EPHA6: variants seen among roughly 807,000 people sequenced by gnomAD.
EPHA6 encodes ephrin type-A receptor 6.
Under a neutral mutation model 112.0 loss-of-function variants are expected in EPHA6, and 50 were observed. The ratio of observed to expected loss-of-function variants is 0.45; its 90% CI spans 0.36 to 0.56. The LOEUF is 0.56. EPHA6 is among the 20% of genes least tolerant of loss of function. The probability of loss-of-function intolerance (pLI) is 0.00; values close to 1 mark genes in which losing one functional copy is unlikely to be tolerated. For synonymous variants in EPHA6, 529 were observed against 490.7 expected, an observed-to-expected ratio of 1.08 and a Z score of -1.03; for missense variants, 1,280 against 1,417.4, an observed-to-expected ratio of 0.90 and a Z score of 1.56.
chr3:97,247,095 A>T (rs1192928362), intron 5 of EPHA6, among the ~76,000 whole-genome samples: 1 of 152,084 alleles, frequency 6.6e-6, no homozygotes, highest in Non-Finnish European at 1.5e-5. Context: ...ATAATTTCCC[A>T]TCACTCCACT....
At chr3:96,907,475 A>C (rs931871743) in intron 2 of EPHA6, among the ~76,000 whole-genome samples, 1 of 141,030 alleles carries the variant, frequency 7.1e-6, no homozygotes, top group Non-Finnish European at 1.5e-5. Flanking sequence ...ACTAGGAAAA[A>C]AAATTCATTT....
At chr3:97,044,802 A>G (rs1691997699) in intron 3 of EPHA6, among the ~76,000 whole-genome samples, 1 of 152,144 alleles carries the variant, frequency 6.6e-6, no homozygotes, top group Non-Finnish European at 1.5e-5. Flanking sequence ...ACATTAGAAT[A>G]CAGAGATATA....
intron 14 of EPHA6, among the ~76,000 whole-genome samples, chr3:97,676,496 AGG>A (rs2031395335): frequency 6.6e-6 from 1 of 152,230 alleles, no homozygotes; most frequent in South Asian, 2.1e-4. Context: ...CCCTGAAACT[AGG>A]AAGTATAAAT....
At chr3:97,633,329 A>G (rs1646678187) in intron 13 of EPHA6, among the ~76,000 whole-genome samples, 1 of 152,004 alleles carries the variant, frequency 6.6e-6, no homozygotes, top group South Asian at 2.1e-4. Flanking sequence ...TCCAGCTACT[A>G]ATCTCTGAGA....
intron 2 of EPHA6, among the ~76,000 whole-genome samples, chr3:96,904,608 T>TAA (rs796876626): frequency 2.8e-5 from 4 of 144,004 alleles, no homozygotes; most frequent in African/African-American, 7.6e-5. Flanking sequence ...AAAGTATAAT[T>TAA]AAAAAAAAAA....
chr3:96,949,044 C>T (rs1025758274), intron 2 of EPHA6, among the ~76,000 whole-genome samples: 1 of 152,044 alleles, frequency 6.6e-6, no homozygotes, highest in South Asian at 2.1e-4. Flanking sequence ...TCATAATGCT[C>T]AATAAAATTG....
At chr3:97,431,361 A>G (rs2089494405) in intron 6 of EPHA6, among the ~76,000 whole-genome samples, 2 of 152,134 alleles carry the variant, frequency 1.3e-5, no homozygotes, top group African/African-American at 4.8e-5. Flanking sequence ...TAATGAGAGA[A>G]TGTAAAATTT....
chr3:96,984,495 G>T (rs2042941543), intron 2 of EPHA6, among the ~76,000 whole-genome samples: 1 of 152,152 alleles, frequency 6.6e-6, no homozygotes, highest in Non-Finnish European at 1.5e-5. Context: ...GGCTACTTGG[G>T]GGTGTGGGAC....
At chr3:97,039,387 G>T (rs1425600857) in intron 3 of EPHA6, among the ~76,000 whole-genome samples, 2 of 152,056 alleles carry the variant, frequency 1.3e-5, no homozygotes, top group African/African-American at 4.8e-5. Context: ...TCAATTTATA[G>T]AATTCAGATG....
intron 11 of EPHA6, among the ~76,000 whole-genome samples, chr3:97,585,835 T>G (rs899247812): frequency 6.6e-6 from 1 of 151,188 alleles, no homozygotes; most frequent in Non-Finnish European, 1.5e-5. Flanking sequence ...ATATCAAAAA[T>G]TATTTGATTT....
At chr3:97,314,458 A>G in intron 5 of EPHA6, among the ~76,000 whole-genome samples, 1 of 151,628 alleles carries the variant, frequency 6.6e-6, no homozygotes, top group East Asian at 1.9e-4. Flanking sequence ...AATCAAACTC[A>G]CTAGAAACCA....
intron 7 of EPHA6, among the ~76,000 whole-genome samples, chr3:97,473,949 T>C (rs2107455683): frequency 6.6e-6 from 1 of 152,056 alleles, no homozygotes; most frequent in East Asian, 1.9e-4. Context: ...TAAGATTTAA[T>C]ACATTTCTCT....
intron 1 of EPHA6, among the ~76,000 whole-genome samples, chr3:96,817,905 T>C (rs2032928992): frequency 6.6e-6 from 1 of 151,912 alleles, no homozygotes. Context: ...TAACTGAGTG[T>C]GAAGCTGACT....
At chr3:96,853,222 G>A (rs73131524) in intron 1 of EPHA6, among the ~76,000 whole-genome samples, 1 of 152,058 alleles carries the variant, frequency 6.6e-6, no homozygotes, top group Non-Finnish European at 1.5e-5. Context: ...ATTTTCTGAG[G>A]TTTCAATAGA....
chr3:97,043,760 T>C (rs186162324), intron 3 of EPHA6, among the ~76,000 whole-genome samples: 2 of 152,298 alleles, frequency 1.3e-5, no homozygotes, highest in African/African-American at 4.8e-5. Context: ...TTAAGATCTA[T>C]AGAGATGTTT....
chr3:96,945,355 C>T (rs530284296), intron 2 of EPHA6, among the ~76,000 whole-genome samples: 1 of 152,310 alleles, frequency 6.6e-6, no homozygotes, highest in Admixed American at 6.5e-5. Context: ...AAGTAGTCTG[C>T]ACTCACTCTG....
intron 13 of EPHA6, among the ~76,000 whole-genome samples, chr3:97,619,493 T>C (rs1006386977): frequency 2.6e-5 from 4 of 151,266 alleles, no homozygotes; most frequent in Non-Finnish European, 5.9e-5. Context: ...GTTTGTAGAT[T>C]ACATGATCCT....
At chr3:97,486,595 C>T (rs1269134505) in intron 10 of EPHA6, among the ~76,000 whole-genome samples, 1 of 152,166 alleles carries the variant, frequency 6.6e-6, no homozygotes, top group African/African-American at 2.4e-5. Context: ...AAAAAGGGGG[C>T]TGACCTCTCC....
At chr3:97,718,782 T>C (rs555759802) in intron 14 of EPHA6, among the ~76,000 whole-genome samples, 35 of 152,312 alleles carry the variant, frequency 2.3e-4, no homozygotes, top group Admixed American at 7.2e-4. Context: ...TCTATTGGGC[T>C]GCTTTGATAT....
Sources: gnomAD v4.1 joint callset for allele counts (sites outside exome capture counted in the v4.1 genomes callset) on GRCh38, gnomAD v4.1.1 for gene constraint, MANE v1.5 for transcripts, NCBI Gene and HGNC (gene_info 2026-07-23, HGNC 2026-07-21) for gene names.